Variants in ZNF532 observed in about 807,000 individuals in gnomAD.
ZNF532 encodes zinc finger protein 532.
A neutral mutation model predicts 89.3 loss-of-function variants in ZNF532; 22 were observed. The ratio of observed to expected loss-of-function variants is 0.25; its 90% CI spans 0.18 to 0.35. The LOEUF (loss-of-function observed/expected upper bound fraction) is 0.35. Among genes scored for constraint, ZNF532 ranks in the 10% least tolerant of loss-of-function variants. The probability of loss-of-function intolerance (pLI) is 1.00; values close to 1 mark genes in which losing one functional copy is unlikely to be tolerated. For synonymous variants in ZNF532, 606 were observed against 649.6 expected (o/e 0.93, Z 1.02); for missense variants, 1,132 against 1,643.4 (o/e 0.69, Z 5.38).
intron 3 of ZNF532, among the ~76,000 whole-genome samples, chr18:58,933,224 A>G (rs2062104392): frequency 6.6e-6 from 1 of 152,136 alleles, no homozygotes; most frequent in Non-Finnish European, 1.5e-5. Flanking sequence ...GCTACCTGTA[A>G]TGTTCTTATT....
In ZNF532 at chr18:58,877,039, AAC is replaced by A. The variant is rs200816148; in HGVS notation, c.-18+11462_-18+11463del. ...CACACTACTGCACTTCAGCCTGGGC[AAC>A]AGAGTGAGACCTTGTCTCGAGAAAA... On this transcript the variant is annotated intron_variant, in intron 2 of 9. Coordinates refer to ENST00000591808, the MANE Select transcript of ZNF532 (RefSeq NM_001375912.1). 8.0e-3 allele frequency among the ~76,000 whole-genome samples: 1,215 copies of A among 152,232 alleles called. 15 individuals carry two copies. Among genetic ancestry groups the A allele is most frequent in the African/African-American group, 0.027 (1,140 of 41,540 alleles).
intron 5 of ZNF532, among the ~76,000 whole-genome samples, chr18:58,941,196 G>C: frequency 6.6e-6 from 1 of 152,004 alleles, no homozygotes; most frequent in East Asian, 1.9e-4. Flanking sequence ...CTGAAGATGG[G>C]GATTAGTGAA....
intron 2 of ZNF532, among the ~76,000 whole-genome samples, chr18:58,873,871 A>G (rs1438380005): frequency 1.3e-5 from 2 of 152,178 alleles, no homozygotes; most frequent in African/African-American, 2.4e-5. Context: ...TATAAACCTG[A>G]TTGCCTGTCA....
chr18:58,903,366 G>T (rs149011575), intron 2 of ZNF532, among the ~76,000 whole-genome samples: 1 of 152,174 alleles, frequency 6.6e-6, no homozygotes, highest in Non-Finnish European at 1.5e-5. Context: ...TTTGGTGTGA[G>T]GCCAAGAAGT....
At chr18:58,950,974 TG>T (rs1290128175) in intron 6 of ZNF532, among the ~76,000 whole-genome samples, 1 of 152,054 alleles carries the variant, frequency 6.6e-6, no homozygotes, top group African/African-American at 2.4e-5. Flanking sequence ...TTTTTTCTTT[TG>T]AGATAAGGTC....
At chr18:58,960,271 A>C (rs554515199) in intron 7 of ZNF532, among the ~76,000 whole-genome samples, 2 of 152,286 alleles carry the variant, frequency 1.3e-5, no homozygotes, top group Admixed American at 6.5e-5. Context: ...GCTGGTCTTG[A>C]ATTCCTGAGC....
Position 58,953,772 on chromosome 18 carries a change from A to G in ZNF532, c.3123A>G (p.Ile1041Met). The change falls in exon 7 of 10, where the codon ATA becomes ATG. Residue 1041 changes from isoleucine (I) to methionine (M), a missense_variant. By Grantham distance (10) the Ile-to-Met change is conservative. This residue lies in a region of ZNF532 where 415 missense variants were observed against 604.8 expected (regional missense o/e 0.69). Coordinates refer to ENST00000591808, the MANE Select transcript of ZNF532 (RefSeq NM_001375912.1). ...TGTTCATGCAGAGAGATGTGTACAT[A>G]TCCCACGTGAGGAAGGAGCACGGGA... ...DCLFMQRDVY[I>M]SHVRKEHGKQ... 1 of 1,613,374 alleles carries G rather than the reference A, an allele frequency of 6.2e-7. No individual in the cohort carries two copies. Among genetic ancestry groups the G allele is most frequent in the Non-Finnish European group, 8.5e-7 (1 of 1,179,350 alleles).
intron 7 of ZNF532, among the ~76,000 whole-genome samples, chr18:58,976,952 CT>C (rs535491106): frequency 4.9e-4 from 75 of 152,304 alleles, no homozygotes; most frequent in African/African-American, 1.7e-3. Context: ...CTTAGTCACT[CT>C]TTTGCTGCAT....
intron 2 of ZNF532, among the ~76,000 whole-genome samples, chr18:58,899,336 C>G (rs967312008): frequency 6.6e-5 from 10 of 152,192 alleles, no homozygotes; most frequent in Admixed American, 6.5e-5. Context: ...AACTTGGCAT[C>G]CTTTATTTTT....
chr18:58,966,738 GTTTTTTTTTTTT>G (rs540133909), intron 7 of ZNF532, among the ~76,000 whole-genome samples: 25 of 126,010 alleles, frequency 2.0e-4, no homozygotes, highest in Admixed American at 7.3e-4. Context: ...ATTTTTTTGT[GTTTTTTTTTTTT>G]TTTTTTTTTT....
chr18:58,886,232 T>A (rs1602630576), intron 2 of ZNF532, among the ~76,000 whole-genome samples: 1 of 152,176 alleles, frequency 6.6e-6, no homozygotes, highest in Non-Finnish European at 1.5e-5. Context: ...CCTCCTGCCT[T>A]GGCCTCCCAA....
intron 2 of ZNF532, among the ~76,000 whole-genome samples, chr18:58,881,222 C>T (rs1446619346): frequency 6.6e-6 from 1 of 151,930 alleles, no homozygotes; most frequent in Non-Finnish European, 1.5e-5. Context: ...ACCTCTGCCT[C>T]CTGGGTTCAA....
At chr18:58,895,665 A>T (rs1312670054) in intron 2 of ZNF532, among the ~76,000 whole-genome samples, 3 of 152,108 alleles carry the variant, frequency 2.0e-5, no homozygotes, top group Non-Finnish European at 4.4e-5. Flanking sequence ...AATGTATCCC[A>T]GTGGGAGGAT....
At chr18:58,863,833 G>C (rs925124694), upstream of ZNF532, 2 of 152,472 alleles carry the variant, frequency 1.3e-5, no homozygotes, top group Admixed American at 6.6e-5. Flanking sequence ...ACCCAGGGGC[G>C]CGGGTGGGCG....
intron 3 of ZNF532, chr18:58,931,747 G>C (rs1811049108): frequency 6.6e-6 from 1 of 151,482 alleles, no homozygotes; most frequent in Non-Finnish European, 1.5e-5. Context: ...GAGCAGCCTT[G>C]ACAATATGGT....
intron 2 of ZNF532, among the ~76,000 whole-genome samples, chr18:58,874,125 C>G (rs766683084): frequency 3.3e-5 from 5 of 151,976 alleles, no homozygotes; most frequent in African/African-American, 1.2e-4. Context: ...GTATTGTCTC[C>G]TGTCCTGCCT....
chr18:58,961,577 G>A (rs992595172), intron 7 of ZNF532, among the ~76,000 whole-genome samples: 2 of 152,158 alleles, frequency 1.3e-5, no homozygotes, highest in Non-Finnish European at 2.9e-5. Context: ...ATATTCCCGC[G>A]TGTACCGCAA....
chr18:58,899,733 C>T (rs920936980), intron 2 of ZNF532, among the ~76,000 whole-genome samples: 2 of 152,302 alleles, frequency 1.3e-5, no homozygotes, highest in Non-Finnish European at 2.9e-5. Context: ...TCCCAATATG[C>T]TGGGATGACA....
intron 9 of ZNF532, among the ~76,000 whole-genome samples, chr18:58,982,668 T>C (rs2067947201): frequency 6.6e-6 from 1 of 152,176 alleles, no homozygotes; most frequent in South Asian, 2.1e-4. Context: ...CCCTCCTGTC[T>C]TCGGTGCTAT....
Sources: gnomAD v4.1 joint callset for allele counts (sites outside exome capture counted in the v4.1 genomes callset) on GRCh38, gnomAD v4.1.1 for gene constraint, gnomAD v4.1.1 regional missense constraint, MANE v1.5 for transcripts, NCBI Gene and HGNC (gene_info 2026-07-23, HGNC 2026-07-21) for gene names.